Variants in SLC8A1 observed in about 807,000 individuals in gnomAD.
The protein encoded by SLC8A1 is sodium/calcium exchanger 1.
In SLC8A1, 18 loss-of-function variants were observed where a neutral mutation model predicts 68.3. The observed-to-expected ratio is 0.26, with a 90% CI of 0.18 to 0.39. The LOEUF (loss-of-function observed/expected upper bound fraction) is 0.39, where lower values mean the gene tolerates loss of function less well. SLC8A1 is among the 10% of genes least tolerant of loss of function. SLC8A1 has a pLI of 1.00. For missense variants in SLC8A1, 985 were observed against 1,156.7 expected, an observed-to-expected ratio of 0.85 and a Z score of 2.15; for synonymous variants, 475 against 415.5, an observed-to-expected ratio of 1.14 and a Z score of -1.74.
At chr2:40,460,616 G>A (rs529037876) in intron 1 of SLC8A1, among the ~76,000 whole-genome samples, 2 of 148,272 alleles carry the variant, frequency 1.3e-5, no homozygotes, top group African/African-American at 2.5e-5. Flanking sequence ...GTCTCGCCCT[G>A]TTGCCCAGGC....
At chr2:40,313,726 A>T (rs2149315273) in intron 2 of SLC8A1, among the ~76,000 whole-genome samples, 2 of 151,888 alleles carry the variant, frequency 1.3e-5, no homozygotes, top group Admixed American at 1.3e-4. Flanking sequence ...AATTGTAGCT[A>T]CTCTATTCAG....
intron 7 of SLC8A1, among the ~76,000 whole-genome samples, chr2:40,138,308 C>A (rs2040905525): frequency 1.3e-5 from 2 of 152,096 alleles, no homozygotes; most frequent in Admixed American, 6.6e-5. Flanking sequence ...TCAGGCTTGA[C>A]AACTATGGCA....
chr2:40,336,035 G>C (rs888726453), intron 2 of SLC8A1, among the ~76,000 whole-genome samples: 5 of 152,338 alleles, frequency 3.3e-5, no homozygotes, highest in South Asian at 4.1e-4. Context: ...AGGCAGACAA[G>C]ATAGGGTGGC....
At chr2:40,482,785 A>G (rs1430811318) in intron 1 of SLC8A1, among the ~76,000 whole-genome samples, 2 of 146,176 alleles carry the variant, frequency 1.4e-5, no homozygotes, top group Non-Finnish European at 3.0e-5. Flanking sequence ...AGCCACAGTT[A>G]GCACTTTTTT....
intron 1 of SLC8A1, among the ~76,000 whole-genome samples, chr2:40,509,543 G>A (rs1384281690): frequency 2.1e-5 from 3 of 145,914 alleles, no homozygotes; most frequent in Non-Finnish European, 4.5e-5. Context: ...TTCTGGAAGT[G>A]TACATTCCTA....
At chr2:40,363,337 GGATGAT>G (rs78021253) in intron 2 of SLC8A1, among the ~76,000 whole-genome samples, 1 of 150,856 alleles carries the variant, frequency 6.6e-6, no homozygotes, top group Non-Finnish European at 1.5e-5. Context: ...ACCACTGCAG[GGATGAT>G]GATGATGATG....
At chr2:40,170,662 A>C (rs557623105) in intron 4 of SLC8A1, among the ~76,000 whole-genome samples, 1 of 152,364 alleles carries the variant, frequency 6.6e-6, no homozygotes, top group South Asian at 2.1e-4. Context: ...TGATGTGTCA[A>C]GGTCCTTCAA....
chr2:40,169,288 G>A (rs773006427), intron 4 of SLC8A1, among the ~76,000 whole-genome samples: 11 of 152,120 alleles, frequency 7.2e-5, no homozygotes, highest in Non-Finnish European at 1.6e-4. Flanking sequence ...TTGGAGAGGC[G>A]GACAAGGCCA....
intron 2 of SLC8A1, among the ~76,000 whole-genome samples, chr2:40,373,700 C>G (rs1323664125): frequency 1.3e-5 from 2 of 151,998 alleles, no homozygotes; most frequent in African/African-American, 2.4e-5. Flanking sequence ...ATCCGAGGCT[C>G]AGAATTCCCA....
At chr2:40,283,405 C>G (rs2067803685) in intron 2 of SLC8A1, among the ~76,000 whole-genome samples, 1 of 152,130 alleles carries the variant, frequency 6.6e-6, no homozygotes, top group African/African-American at 2.4e-5. Flanking sequence ...GAATAACGAA[C>G]AGTTATTTGG....
At chr2:40,399,395 C>G (rs1687997231) in intron 2 of SLC8A1, among the ~76,000 whole-genome samples, 1 of 151,892 alleles carries the variant, frequency 6.6e-6, no homozygotes, top group Non-Finnish European at 1.5e-5. Flanking sequence ...ACAGAAACAA[C>G]ACGCCAGGTA....
chr2:40,161,881 A>G (rs1001183925), intron 5 of SLC8A1, among the ~76,000 whole-genome samples: 1 of 152,204 alleles, frequency 6.6e-6, no homozygotes, highest in Non-Finnish European at 1.5e-5. Context: ...CGAAATCTGT[A>G]TATGTTTTAT....
chr2:40,194,506 T>TGTGTGTGC (rs963279052), intron 2 of SLC8A1, among the ~76,000 whole-genome samples: 37 of 131,934 alleles, frequency 2.8e-4, no homozygotes, highest in African/African-American at 9.7e-4. Flanking sequence ...TGTGTGTGTG[T>TGTGTGTGC]GCGCGCGCAA....
chr2:40,241,001 T>C (rs1324832652), intron 2 of SLC8A1, among the ~76,000 whole-genome samples: 2 of 152,204 alleles, frequency 1.3e-5, no homozygotes, highest in African/African-American at 2.4e-5. Flanking sequence ...TTATTGGGTA[T>C]ATACCCAAAG....
chr2:40,311,721 AT>A (rs566944150), intron 2 of SLC8A1, among the ~76,000 whole-genome samples: 56 of 150,798 alleles, frequency 3.7e-4, no homozygotes, highest in African/African-American at 1.1e-3. Context: ...TTTATCTTCT[AT>A]TTTTTTTTCT....
intron 2 of SLC8A1, among the ~76,000 whole-genome samples, chr2:40,274,833 A>G (rs1049403277): frequency 4.6e-5 from 7 of 152,198 alleles, no homozygotes; most frequent in Non-Finnish European, 1.0e-4. Context: ...GCGGCTTGTC[A>G]GAAGGTCTCT....
intron 1 of SLC8A1, among the ~76,000 whole-genome samples, chr2:40,504,850 C>T (rs895998986): frequency 2.6e-5 from 4 of 151,856 alleles, no homozygotes; most frequent in African/African-American, 9.7e-5. Context: ...CCTTTGTACA[C>T]TCTTGGTGGG....
In SLC8A1 at chr2:40,491,930, A is replaced by G. The variant is rs559355709; in HGVS notation, c.-25+20419T>C. ...AATGGCCATACTGCCAAGGTAATTT[A>G]TAGATTCAATGCCATCCCCATCAAG... On this transcript the variant is annotated intron_variant, in intron 1 of 7. Transcript: ENST00000402441. Among the ~76,000 whole-genome samples, 16 of 152,280 alleles carry G rather than the reference A, an allele frequency of 1.1e-4. No homozygotes were observed. In the South Asian group the frequency reaches 3.3e-3, roughly 32 times the overall value.
chr2:40,099,452 G>C (rs757894814), exon 8 of SLC8A1: 3 of 152,076 alleles, frequency 2.0e-5, no homozygotes, highest in Non-Finnish European at 4.4e-5. Context: ...CCGTAGACAT[G>C]GGAACAAACT....
Sources: allele counts gnomAD v4.1 joint callset (sites outside exome capture counted in the v4.1 genomes callset), GRCh38; gene constraint gnomAD v4.1.1; transcripts MANE v1.5; gene names NCBI Gene and HGNC (gene_info 2026-07-23, HGNC 2026-07-21).